KAZN: variants seen among roughly 807,000 people sequenced by gnomAD.
KAZN encodes kazrin.
KAZN carries 40 observed loss-of-function variants against 87.4 expected under a neutral mutation model. The ratio of observed to expected loss-of-function variants is 0.46; its 90% confidence interval spans 0.36 to 0.60. The LOEUF is 0.60. KAZN is among the 20% of genes least tolerant of loss of function. The pLI, the probability that KAZN is intolerant of heterozygous loss-of-function variation, is 0.00. For missense variants in KAZN, 898 were observed against 1,073.9 expected (o/e 0.84, Z 2.29); for synonymous variants, 466 against 458.3 (o/e 1.02, Z -0.22).
intron 2 of KAZN, among the ~76,000 whole-genome samples, chr1:14,550,963 C>T (rs1454187015): frequency 1.3e-5 from 2 of 151,782 alleles, no homozygotes; most frequent in African/African-American, 4.8e-5. Flanking sequence ...GTAAAGCATT[C>T]TCTCCTCCCC....
At chr1:14,017,252 T>G (rs1214541388) in intron 1 of KAZN, among the ~76,000 whole-genome samples, 2 of 152,164 alleles carry the variant, frequency 1.3e-5, no homozygotes, top group Admixed American at 6.5e-5. Flanking sequence ...TCCTTACACC[T>G]ACACCCACTC....
chr1:14,346,003 C>T (rs143199649), intron 2 of KAZN, among the ~76,000 whole-genome samples: 2 of 152,242 alleles, frequency 1.3e-5, no homozygotes, highest in South Asian at 2.1e-4. Flanking sequence ...TGTGTCATTT[C>T]GATAAAAGTA....
intron 1 of KAZN, among the ~76,000 whole-genome samples, chr1:13,901,048 A>C (rs1432047301): frequency 8.6e-5 from 13 of 151,436 alleles, no homozygotes; most frequent in Admixed American, 5.9e-4. Flanking sequence ...CATTGAAAAA[A>C]AAAAAACAAA....
At chr1:14,881,670 A>G (rs1374772729) in intron 1 of KAZN, among the ~76,000 whole-genome samples, 1 of 152,208 alleles carries the variant, frequency 6.6e-6, no homozygotes, top group Non-Finnish European at 1.5e-5. Flanking sequence ...TGGTGGGTTC[A>G]GGTACAGGTT....
chr1:14,883,427 A>AAAG (rs1557586907), intron 1 of KAZN, among the ~76,000 whole-genome samples: 1 of 122,956 alleles, frequency 8.1e-6, no homozygotes, highest in African/African-American at 3.4e-5. Context: ...AAGAAAGAAA[A>AAAG]GCGGTTCTTG....
At chr1:14,197,238 T>C (rs1304093423) in intron 2 of KAZN, among the ~76,000 whole-genome samples, 1 of 151,980 alleles carries the variant, frequency 6.6e-6, no homozygotes, top group East Asian at 1.9e-4. Context: ...AAACAGAGCA[T>C]ATCATGTGTT....
At chr1:13,995,289 G>A (rs563344317) in intron 1 of KAZN, among the ~76,000 whole-genome samples, 1 of 150,868 alleles carries the variant, frequency 6.6e-6, no homozygotes, top group Admixed American at 6.6e-5. Context: ...CCATGATTGT[G>A]TATGGAGAAA....
At chr1:15,079,226 T>C (rs756627056) in intron 8 of KAZN, among the ~76,000 whole-genome samples, 1 of 151,860 alleles carries the variant, frequency 6.6e-6, no homozygotes, top group Non-Finnish European at 1.5e-5. Context: ...TAGGCGCCTG[T>C]GGAAGAGGCT....
intron 1 of KAZN, among the ~76,000 whole-genome samples, chr1:13,975,691 G>C (rs1362318516): frequency 6.6e-6 from 1 of 152,196 alleles, no homozygotes; most frequent in Admixed American, 6.5e-5. Context: ...CCGGCAGGTA[G>C]ATAGTATTGA....
At chr1:14,470,951 G>A (rs1420276340) in intron 2 of KAZN, among the ~76,000 whole-genome samples, 5 of 152,206 alleles carry the variant, frequency 3.3e-5, no homozygotes, top group African/African-American at 9.7e-5. Context: ...GGACACTCAA[G>A]CAGCTTTTTG....
intron 1 of KAZN, among the ~76,000 whole-genome samples, chr1:14,791,722 G>T (rs761181362): frequency 1.3e-5 from 2 of 152,218 alleles, no homozygotes; most frequent in African/African-American, 4.8e-5. Context: ...GCGAGCTTCC[G>T]GAACATCCTG....
At chr1:14,917,211 C>A (rs61773606) in intron 1 of KAZN, among the ~76,000 whole-genome samples, 5 of 152,204 alleles carry the variant, frequency 3.3e-5, no homozygotes, top group African/African-American at 1.2e-4. Context: ...CGAGTAAAAT[C>A]CTCACCCCAC....
At chr1:14,798,598 C>A (rs28664871) in intron 1 of KAZN, among the ~76,000 whole-genome samples, 2 of 151,638 alleles carry the variant, frequency 1.3e-5, no homozygotes, top group Admixed American at 1.3e-4. Flanking sequence ...CCACACCCGG[C>A]TAATTTTTTG....
intron 1 of KAZN, among the ~76,000 whole-genome samples, chr1:13,973,554 C>T (rs544508005): frequency 2.6e-4 from 39 of 152,210 alleles, no homozygotes; most frequent in Non-Finnish European, 3.8e-4. Flanking sequence ...GGTAACAACT[C>T]CCTCAACTTG....
Position 14,598,918 on chromosome 1 carries a change from C to CG in KAZN, c.-75dup. 5 of 1,550,018 alleles carry CG rather than the reference C, an allele frequency of 3.2e-6. No individual in the cohort carries two copies. Among genetic ancestry groups the CG allele is most frequent in the Non-Finnish European group, 4.3e-6 (5 of 1,153,388 alleles). On this transcript the variant is annotated 5_prime_UTR_variant, in exon 1 of 15. Coordinates refer to ENST00000376030, the MANE Select transcript of KAZN (RefSeq NM_201628.3). The surrounding 1 kb of genome is among the most constrained non-coding windows in gnomAD (Gnocchi z 4.2). ...CCGCGGAGGACACAACAGGTAGAGC[C>CG]GGGGGTGCCCGGCCGCGCGCCCCCC...
At chr1:14,414,997 G>C (rs1429132536) in intron 2 of KAZN, among the ~76,000 whole-genome samples, 2 of 152,164 alleles carry the variant, frequency 1.3e-5, no homozygotes, top group African/African-American at 4.8e-5. Context: ...CTGCACTCCA[G>C]CCTGGGCGAT....
At chr1:14,443,699 C>G (rs939008430) in intron 2 of KAZN, among the ~76,000 whole-genome samples, 1 of 152,192 alleles carries the variant, frequency 6.6e-6, no homozygotes, top group African/African-American at 2.4e-5. Flanking sequence ...TCCTCTCGAG[C>G]CTCCCACAGG....
chr1:14,112,794 A>C (rs13374174), intron 1 of KAZN, among the ~76,000 whole-genome samples: 43,961 of 152,068 alleles, frequency 0.29, 6,786 homozygotes, highest in East Asian at 0.56. Flanking sequence ...TGTTCCTGCC[A>C]TGCCCTTTGC....
intron 2 of KAZN, among the ~76,000 whole-genome samples, chr1:14,286,131 T>C (rs76282923): frequency 0.042 from 6,401 of 152,286 alleles, 165 homozygotes; most frequent in Middle Eastern, 0.075. Context: ...AACAGAAGTA[T>C]GTCATCTCAC....
Sources: allele counts gnomAD v4.1 joint callset (sites outside exome capture counted in the v4.1 genomes callset), GRCh38; gene constraint gnomAD v4.1.1; non-coding constraint Gnocchi (gnomAD v3.1); transcripts MANE v1.5; gene names NCBI Gene and HGNC (gene_info 2026-07-23, HGNC 2026-07-21).